The following SLC44A5 variants were observed in gnomAD, a reference collection of about 807,000 sequenced individuals.
The protein encoded by SLC44A5 is choline transporter-like protein 5.
SLC44A5 carries 57 observed loss-of-function variants against 101.8 expected under a neutral mutation model. The ratio of observed to expected loss-of-function variants is 0.56; its 90% CI spans 0.45 to 0.70. The LOEUF is 0.70. SLC44A5 is among the 30% of genes least tolerant of loss of function. The probability of loss-of-function intolerance (pLI) is 0.00; values close to 1 mark genes in which losing one functional copy is unlikely to be tolerated. For missense variants in SLC44A5, 737 were observed against 853.1 expected, an observed-to-expected ratio of 0.86 and a Z score of 1.70; for synonymous variants, 281 against 290.9, an observed-to-expected ratio of 0.97 and a Z score of 0.35.
At chr1:75,209,206 C>T (rs1282317444) in intron 23 of SLC44A5, among the ~76,000 whole-genome samples, 2 of 152,176 alleles carry the variant, frequency 1.3e-5, no homozygotes, top group African/African-American at 2.4e-5. Flanking sequence ...ACATTTCTTA[C>T]TGTCAAAATT....
chr1:75,393,923 T>C (rs1661958666), intron 3 of SLC44A5, among the ~76,000 whole-genome samples: 1 of 151,992 alleles, frequency 6.6e-6, no homozygotes, highest in Non-Finnish European at 1.5e-5. Context: ...CAAGAGCAGA[T>C]TTGGTGGGGT....
At chr1:75,369,450 G>A (rs1262680626) in intron 3 of SLC44A5, among the ~76,000 whole-genome samples, 1 of 152,072 alleles carries the variant, frequency 6.6e-6, no homozygotes, top group East Asian at 1.9e-4. Flanking sequence ...AGTTCCTGAG[G>A]TGAGGAGAAG....
chr1:75,528,331 C>A lies in SLC44A5; in HGVS notation c.13+13104G>T, dbSNP rs142487452. ...AAGACATTTCAGAATATTCAGGAAG[C>A]AAAAAATATATATTTTATAAAATTA... On this transcript the variant is annotated intron_variant, in intron 2 of 23. Coordinates refer to ENST00000370859, the MANE Select transcript of SLC44A5 (RefSeq NM_001130058.2). Among the ~76,000 whole-genome samples the A allele has an allele frequency of 3.5e-3, 533 of 151,468 alleles. 4 individuals are homozygous for A. Among genetic ancestry groups the A allele is most frequent in the African/African-American group, 0.012 (502 of 41,292 alleles).
chr1:75,591,426 T>G (rs752536961), intron 1 of SLC44A5, among the ~76,000 whole-genome samples: 4 of 152,204 alleles, frequency 2.6e-5, no homozygotes, highest in Non-Finnish European at 4.4e-5. Context: ...CGGTGGAGTA[T>G]CTTTTTGATA....
chr1:75,646,114 G>C, the SLC44A5 span, among the ~76,000 whole-genome samples: 1 of 135,086 alleles, frequency 7.4e-6, no homozygotes, highest in African/African-American at 2.5e-5. Context: ...TGGCAATATG[G>C]GCTCTTTTTT....
At chr1:75,700,094 C>A in the SLC44A5 span, among the ~76,000 whole-genome samples, 1 of 152,068 alleles carries the variant, frequency 6.6e-6, no homozygotes, top group Non-Finnish European at 1.5e-5. Flanking sequence ...TTAGACAGAT[C>A]AATGAGACAG....
intron 7 of SLC44A5, among the ~76,000 whole-genome samples, chr1:75,250,774 C>G (rs938186026): frequency 6.6e-6 from 1 of 152,104 alleles, no homozygotes; most frequent in African/African-American, 2.4e-5. Context: ...ATGGAAGGAG[C>G]CTAGAGGAGA....
intron 2 of SLC44A5, among the ~76,000 whole-genome samples, chr1:75,427,788 C>T (rs1664396897): frequency 6.6e-6 from 1 of 152,278 alleles, no homozygotes; most frequent in Admixed American, 6.5e-5. Context: ...AAGACAGTAC[C>T]TAACCCTTAT....
At chr1:75,652,337 A>G in the SLC44A5 span, among the ~76,000 whole-genome samples, 2 of 152,186 alleles carry the variant, frequency 1.3e-5, 1 homozygote, top group South Asian at 4.1e-4. Context: ...TGTACTTTAC[A>G]TAAACTTTCG....
chr1:75,441,139 G>C lies in SLC44A5; in HGVS notation c.14-44518C>G, dbSNP rs1041923169. Among the ~76,000 whole-genome samples, 3 of 152,024 alleles carry C rather than the reference G, an allele frequency of 2.0e-5. No individual in the cohort carries two copies. In the East Asian group the frequency reaches 5.8e-4, roughly 29 times the overall value. On this transcript the variant is annotated intron_variant, in intron 2 of 23. Coordinates refer to ENST00000370859, the MANE Select transcript of SLC44A5 (RefSeq NM_001130058.2). ...AAATTATTTTAAATTAAGCATCTGT[G>C]GTAAGCTTACAAGGATAACTGGAAC...
chr1:75,649,676 T>C, the SLC44A5 span, among the ~76,000 whole-genome samples: 1 of 152,192 alleles, frequency 6.6e-6, no homozygotes, highest in South Asian at 2.1e-4. Flanking sequence ...TCAGGATCTA[T>C]GTCTTCTTGA....
chr1:75,227,160 T>C (rs565331621), intron 13 of SLC44A5, among the ~76,000 whole-genome samples: 1 of 152,052 alleles, frequency 6.6e-6, no homozygotes, highest in Non-Finnish European at 1.5e-5. Context: ...AGCCCAGAAA[T>C]TCAAGACCAG....
intron 2 of SLC44A5, among the ~76,000 whole-genome samples, chr1:75,481,476 A>C (rs1008793419): frequency 6.6e-6 from 1 of 151,934 alleles, no homozygotes; most frequent in Non-Finnish European, 1.5e-5. Context: ...CAACCTACAA[A>C]ATGGGAGAAA....
upstream of SLC44A5, among the ~76,000 whole-genome samples, chr1:75,611,413 C>T (rs145352747): frequency 6.3e-3 from 960 of 152,174 alleles, 9 homozygotes; most frequent in African/African-American, 0.021. Flanking sequence ...GTCACAAATG[C>T]TTAGGGGAAA....
At chr1:75,652,177 G>T in the SLC44A5 span, among the ~76,000 whole-genome samples, 2 of 152,162 alleles carry the variant, frequency 1.3e-5, no homozygotes, top group Non-Finnish European at 2.9e-5. Flanking sequence ...AGTGCTGGCA[G>T]GCCACTGCAC....
At chr1:75,595,887 C>T (rs1674602019) in intron 1 of SLC44A5, among the ~76,000 whole-genome samples, 1 of 151,962 alleles carries the variant, frequency 6.6e-6, no homozygotes, top group Non-Finnish European at 1.5e-5. Flanking sequence ...GAAATATAAG[C>T]CTTAAAAGTT....
At chr1:75,616,045 G>A (rs1327043765), upstream of SLC44A5, among the ~76,000 whole-genome samples, 1 of 151,800 alleles carries the variant, frequency 6.6e-6, no homozygotes, top group Non-Finnish European at 1.5e-5. Context: ...CGCTCAGCTC[G>A]GCTCGGCTCG....
At chr1:75,299,548 G>A (rs1654250207) in intron 5 of SLC44A5, among the ~76,000 whole-genome samples, 1 of 152,110 alleles carries the variant, frequency 6.6e-6, no homozygotes, top group Admixed American at 6.6e-5. Flanking sequence ...GCTAATATCT[G>A]ACTTTCACAA....
At chr1:75,594,287 A>G (rs1425264440) in intron 1 of SLC44A5, among the ~76,000 whole-genome samples, 3 of 152,050 alleles carry the variant, frequency 2.0e-5, no homozygotes, top group Non-Finnish European at 4.4e-5. Context: ...GAGATATATC[A>G]GCTTTTGAAA....
Sources: allele counts gnomAD v4.1 joint callset (sites outside exome capture counted in the v4.1 genomes callset), GRCh38; gene constraint gnomAD v4.1.1; transcripts MANE v1.5; gene names NCBI Gene and HGNC (gene_info 2026-07-23, HGNC 2026-07-21).